RNF212: variants seen among roughly 807,000 people sequenced by gnomAD.
RNF212 encodes probable E3 SUMO-protein ligase RNF212.
RNF212 carries 33 observed loss-of-function variants against 34.7 expected under a neutral mutation model. The ratio of observed to expected loss-of-function variants is 0.95; its 90% CI spans 0.72 to 1.27. The LOEUF (loss-of-function observed/expected upper bound fraction) is 1.27, where lower values mean the gene tolerates loss of function less well. RNF212 is among the 50% of genes most tolerant of loss of function. RNF212 has a pLI of 0.00. For missense variants in RNF212, 377 were observed against 362.2 expected, an observed-to-expected ratio of 1.04 and a Z score of -0.33; for synonymous variants, 140 against 136.1, an observed-to-expected ratio of 1.03 and a Z score of -0.20.
At chr4:1,081,778 T>G (rs538532285) in intron 5 of RNF212, 159 bp from the exon 6 acceptor site, 1 of 622,012 alleles carries the variant, frequency 1.6e-6, no homozygotes, top group Non-Finnish European at 2.9e-6. Context: ...CATAGCGTCC[T>G]GTGAGTCGCA....
At chr4:1,085,850 C>G in intron 5 of RNF212, 46 bp downstream of exon 5, 1 of 1,319,102 alleles carries the variant, frequency 7.6e-7, no homozygotes, top group Non-Finnish European at 1.1e-6. Context: ...ATGCACATGG[C>G]AGTGGGTGCC....
At chr4:1,108,109 G>C (rs1352121371) in intron 2 of RNF212, among the ~76,000 whole-genome samples, 1 of 152,050 alleles carries the variant, frequency 6.6e-6, no homozygotes, top group African/African-American at 2.4e-5. Context: ...TTCATTTCCA[G>C]GAACACAGCA....
At chr4:1,111,604 C>T (rs547601302) in intron 1 of RNF212, among the ~76,000 whole-genome samples, 9 of 152,312 alleles carry the variant, frequency 5.9e-5, no homozygotes, top group African/African-American at 2.2e-4. Context: ...ATCACTTCTC[C>T]CCATCACCTC....
At chr4:1,093,371 A>G in intron 3 of RNF212, 1 of 1,166,752 alleles carries the variant, frequency 8.6e-7, no homozygotes, top group Non-Finnish European at 1.1e-6. Context: ...GTGTTAACAT[A>G]TTGTAACAAA....
At chr4:1,101,468 G>A (rs922869961) in intron 2 of RNF212, 2 of 155,186 alleles carry the variant, frequency 1.3e-5, no homozygotes, top group African/African-American at 4.8e-5. Flanking sequence ...ATGGGATTTT[G>A]TTCATCTGCT....
intron 3 of RNF212, among the ~76,000 whole-genome samples, chr4:1,063,192 A>G (rs1351654818): frequency 6.6e-6 from 1 of 152,232 alleles, no homozygotes; most frequent in Non-Finnish European, 1.5e-5. Context: ...TTGTCAGCAG[A>G]AATGGGAAAG....
intron 7 of RNF212, among the ~76,000 whole-genome samples, chr4:1,080,128 G>A (rs928372950): frequency 8.5e-5 from 13 of 152,212 alleles, no homozygotes; most frequent in Middle Eastern, 3.2e-3. Context: ...CGCTCGGTAC[G>A]CACTAGTTCC....
chr4:1,069,795 T>C (rs899371547), downstream of RNF212, among the ~76,000 whole-genome samples: 3 of 152,322 alleles, frequency 2.0e-5, no homozygotes, highest in Admixed American at 6.5e-5. Flanking sequence ...TCTTCGGAAC[T>C]GTTGAGGACA....
rs763625428 is a variant in RNF212, at chr4:1,094,131, G to T, written c.246+2634C>A. 236 of 1,261,238 alleles carry T rather than the reference G, an allele frequency of 1.9e-4. 1 individual carries two copies. The highest frequency in any genetic ancestry group is 7.2e-4 in the South Asian group (46 of 63,872). The allele number at this position is 1,261,238 out of a possible 1,614,324, so 78.1% of individuals were successfully genotyped here. On this transcript the variant is annotated intron_variant, in intron 3 of 9. Coordinates refer to ENST00000433731, the MANE Select transcript of RNF212 (RefSeq NM_001131034.4). Reference sequence around the variant, plus strand: ...CCCATGAAGGAGAGTGCCATGCAGGGGTCCATCCTCAGTCTCCTGCCTCAG... The same window carrying T: ...CCCATGAAGGAGAGTGCCATGCAGGTGTCCATCCTCAGTCTCCTGCCTCAG...
rs1238433363 is a variant in RNF212, at chr4:1,096,846, G to A, written c.172-7C>T. ...CCTGGATATCTGCGTCGGTCTGAAA[G>A]AGAAAGAAATGACTCTACATTTATT... On this transcript the variant is annotated splice_region_variant and splice_polypyrimidine_tract_variant and intron_variant, in intron 2 of 9. Transcript: ENST00000433731. 2 of 1,598,494 alleles carry A rather than the reference G, an allele frequency of 1.3e-6. No individual in the cohort carries two copies. The highest frequency in any genetic ancestry group is 1.7e-6 in the Non-Finnish European group (2 of 1,165,562).
chr4:1,110,154 G>C (rs56073221), intron 1 of RNF212, among the ~76,000 whole-genome samples: 1 of 152,154 alleles, frequency 6.6e-6, no homozygotes, highest in Non-Finnish European at 1.5e-5. Context: ...AGGAAATCAC[G>C]TGCGGCCAAA....
intron 3 of RNF212, among the ~76,000 whole-genome samples, chr4:1,066,129 C>G (rs1366528315): frequency 6.6e-6 from 1 of 151,364 alleles, no homozygotes; most frequent in Non-Finnish European, 1.5e-5. Flanking sequence ...TGCTATGTTG[C>G]CCAGGCTGGA....
At chr4:1,111,228 T>C (rs751921269) in intron 1 of RNF212, among the ~76,000 whole-genome samples, 21 of 152,174 alleles carry the variant, frequency 1.4e-4, no homozygotes, top group Non-Finnish European at 2.8e-4. Context: ...CAACAAATGC[T>C]CTTTCCAACA....
chr4:1,079,635 G>A lies in RNF212; in HGVS notation c.510+8C>T. ...TACAGAGGAACTCAGCAGGAGAGAT[G>A]CACTTACTTTTCTAATCGGAGAAGG... On this transcript the variant is annotated splice_region_variant and intron_variant, in intron 8 of 9. Transcript: ENST00000433731. 6.3e-7 allele frequency: 1 copy of A among 1,589,096 alleles called. No homozygotes were observed. The highest frequency in any genetic ancestry group is 8.6e-7 in the Non-Finnish European group (1 of 1,157,380).
chr4:1,076,316 C>T (rs1315158410), intron 8 of RNF212, among the ~76,000 whole-genome samples: 3 of 152,220 alleles, frequency 2.0e-5, no homozygotes, highest in South Asian at 2.1e-4. Flanking sequence ...CCCCTCTGGG[C>T]GGGCCCAGCT....
At chr4:1,078,911 C>G (rs977124667) in intron 8 of RNF212, among the ~76,000 whole-genome samples, 27 of 151,568 alleles carry the variant, frequency 1.8e-4, no homozygotes, top group African/African-American at 5.3e-4. Context: ...AGGGTCAACA[C>G]AGGACCAACA....
chr4:1,091,668 C>A (rs942805422), intron 3 of RNF212, among the ~76,000 whole-genome samples: 3 of 152,234 alleles, frequency 2.0e-5, no homozygotes, highest in Non-Finnish European at 4.4e-5. Context: ...TTCTTCCCTC[C>A]TGTGGAAAGA....
chr4:1,058,803 C>T (rs1380850298), intron 3 of RNF212, among the ~76,000 whole-genome samples: 4 of 152,194 alleles, frequency 2.6e-5, no homozygotes, highest in East Asian at 1.9e-4. Context: ...GGAGCCTGCC[C>T]GTCACGGGGG....
chr4:1,081,849 T>A, intron 5 of RNF212: 1 of 527,398 alleles, frequency 1.9e-6, no homozygotes, highest in East Asian at 3.3e-5. Context: ...GCCATTTACA[T>A]CACTGGCTCT....
Sources: gnomAD v4.1 joint callset for allele counts (sites outside exome capture counted in the v4.1 genomes callset) on GRCh38, gnomAD v4.1.1 for gene constraint, MANE v1.5 for transcripts, NCBI Gene and HGNC (gene_info 2026-07-23, HGNC 2026-07-21) for gene names.